The following SYMPK variants were observed in gnomAD, a reference collection of about 807,000 sequenced individuals.
SYMPK encodes the protein symplekin.
A neutral mutation model predicts 136.4 loss-of-function variants in SYMPK; 49 were observed. That is an observed-to-expected ratio of 0.36 (90% CI 0.29 to 0.46). The LOEUF (loss-of-function observed/expected upper bound fraction) is 0.46. Among genes scored for constraint, SYMPK ranks in the 20% least tolerant of loss-of-function variants. The pLI is 1.00. For synonymous variants in SYMPK, 766 were observed against 713.0 expected (o/e 1.07, Z -1.19); for missense variants, 1,365 against 1,690.0 (o/e 0.81, Z 3.37).
intron 25 of SYMPK, 111 bp downstream of exon 25, chr19:45,816,371 A>G (rs1374488578): frequency 2.1e-6 from 3 of 1,399,188 alleles, no homozygotes; most frequent in African/African-American, 2.9e-5. Flanking sequence ...GCCCAGAGGC[A>G]GGGGTGGCCT....
chr19:45,826,287 G>A lies in SYMPK; in HGVS notation c.2268C>T (p.Tyr756=), dbSNP rs1971041929. 5 of 1,613,930 alleles carry A rather than the reference G, an allele frequency of 3.1e-6. No individual in the cohort carries two copies. In the East Asian group the frequency reaches 1.1e-4, roughly 36 times the overall value. ...REYVEKFALN[Y]LQLLVHPNPP... is the part of the protein sequence containing the mutation. ...GGTTGGGGTGCACCAGGAGCTGCAG[G>A]TAGTTGAGGGCAAATTTCTCCACAT... The change falls in exon 17 of 27, where the codon TAC becomes TAT. Residue 756 remains tyrosine, a synonymous_variant. Transcript: ENST00000245934.
chr19:45,842,970 A>G (rs1971477577), intron 8 of SYMPK: 2 of 165,116 alleles, frequency 1.2e-5, no homozygotes, highest in African/African-American at 4.8e-5. Context: ...CCCCTTCCTC[A>G]GCCAACAACA....
At chr19:45,838,665 C>A in intron 9 of SYMPK, 50 bp from the exon 10 acceptor site, 1 of 1,575,202 alleles carries the variant, frequency 6.3e-7, no homozygotes, top group Non-Finnish European at 8.7e-7. Context: ...GAGCTGCAGG[C>A]CCTCCATCCT....
At chr19:45,823,925 G>C (rs781212143) in intron 18 of SYMPK, 50 bp from the exon 19 acceptor site, 1 of 1,515,760 alleles carries the variant, frequency 6.6e-7, no homozygotes, top group Non-Finnish European at 9.0e-7. Context: ...GCTTAGGGGA[G>C]GGTCAGGTGT....
chr19:45,853,443 A>G (rs1480245565), intron 3 of SYMPK, among the ~76,000 whole-genome samples: 1 of 152,124 alleles, frequency 6.6e-6, no homozygotes, highest in Non-Finnish European at 1.5e-5. Flanking sequence ...GTTTGAGACC[A>G]GCCTGGTCAA....
rs770984766 is a variant in SYMPK at position 45,827,969 on chromosome 19, C to T, written c.1986-51G>A. 5 of 1,563,780 alleles carry T rather than the reference C, an allele frequency of 3.2e-6. No individual in the cohort carries two copies. In the South Asian group the frequency reaches 3.3e-5, roughly 10 times the overall value. Reference sequence around the variant, plus strand: ...GGCTGCAGAGGAAGAGGCCGCCTGGCTCCCGGGCCCTGCTGAATTGTAGGA... The same window carrying T: ...GGCTGCAGAGGAAGAGGCCGCCTGGTTCCCGGGCCCTGCTGAATTGTAGGA... On this transcript the variant is annotated intron_variant, in intron 14 of 26. Coordinates refer to ENST00000245934, the MANE Select transcript of SYMPK (RefSeq NM_004819.3).
intron 18 of SYMPK, 130 bp downstream of exon 18, chr19:45,825,041 T>C (rs1031079566): frequency 3.2e-5 from 37 of 1,159,810 alleles, no homozygotes; most frequent in Non-Finnish European, 4.3e-5. Flanking sequence ...CTACACAGCC[T>C]GGGTCGGCCC....
intron 11 of SYMPK, among the ~76,000 whole-genome samples, chr19:45,834,083 G>A (rs1250146447): frequency 6.6e-6 from 1 of 152,044 alleles, no homozygotes; most frequent in South Asian, 2.1e-4. Context: ...ATCAGGAGGT[G>A]GAGACCATCC....
chr19:45,822,452 G>A (rs1970931910), intron 21 of SYMPK, among the ~76,000 whole-genome samples: 1 of 152,206 alleles, frequency 6.6e-6, no homozygotes, highest in Admixed American at 6.5e-5. Flanking sequence ...AAGATCTGAG[G>A]AGGGGCCAGA....
chr19:45,832,736 G>A (rs1265084666), intron 11 of SYMPK, among the ~76,000 whole-genome samples: 5 of 151,802 alleles, frequency 3.3e-5, no homozygotes, highest in African/African-American at 9.7e-5. Flanking sequence ...CAGGCTGGGC[G>A]TGGTGGCTCA....
rs1443185291 is a variant in SYMPK, at chr19:45,859,952, C to CT, written c.-13+3105dup. ...CCTGGGAGACACGGTAAGACTCCAT[C>CT]TAAAAAAAAAAAAAAAAAAAAAAAA... On this transcript the variant is annotated intron_variant, in intron 1 of 26. Coordinates refer to ENST00000245934, the MANE Select transcript of SYMPK (RefSeq NM_004819.3). Among the ~76,000 whole-genome samples, 401 of 43,340 alleles carry CT rather than the reference C, an allele frequency of 9.3e-3. 16 individuals are homozygous for CT. In the East Asian group the frequency reaches 0.2, roughly 22 times the overall value. The allele number at this position is 43,340 out of a possible 152,430, so 28.4% of individuals were successfully genotyped here. A position where few individuals can be genotyped will look rare whatever the true frequency, so the allele number is the denominator to read the frequency against.
At chr19:45,850,851 C>G (rs1407370523) in intron 5 of SYMPK, among the ~76,000 whole-genome samples, 2 of 152,120 alleles carry the variant, frequency 1.3e-5, no homozygotes, top group South Asian at 2.1e-4. Flanking sequence ...CTGTAAAGAA[C>G]AGTGAAGGTG....
intron 21 of SYMPK, among the ~76,000 whole-genome samples, chr19:45,822,268 G>A (rs944896725): frequency 7.2e-5 from 11 of 151,984 alleles, no homozygotes; most frequent in Admixed American, 5.2e-4. Flanking sequence ...ACAGGCGCCC[G>A]CCACCACGCC....
In SYMPK at chr19:45,825,341, C is replaced by T; in HGVS notation, c.2330-10G>A. ...CAGGGTGCTGCCACCTCTGACAGGG[C>T]AGGAGCGGGCATCAGATTGGCCCAC... On this transcript the variant is annotated splice_polypyrimidine_tract_variant and intron_variant, in intron 17 of 26. Transcript: ENST00000245934. 1 of 1,611,800 alleles carries T rather than the reference C, an allele frequency of 6.2e-7. No individual in the cohort carries two copies. The highest frequency in any genetic ancestry group is 1.7e-5 in the Admixed American group (1 of 59,816).
chr19:45,820,444 G>A (rs1340468070), intron 22 of SYMPK: 1 of 152,264 alleles, frequency 6.6e-6, no homozygotes, highest in Non-Finnish European at 1.5e-5. Context: ...TGCAGAGGAA[G>A]GTTAGGAAGT....
intron 7 of SYMPK, among the ~76,000 whole-genome samples, chr19:45,847,275 T>C (rs915199566): frequency 8.6e-5 from 13 of 151,840 alleles, no homozygotes; most frequent in African/African-American, 1.5e-4. Flanking sequence ...TTTAAAAAAA[T>C]TGGCCAGGTA....
At chr19:45,826,723 CAG>C (rs1039603312) in intron 16 of SYMPK, among the ~76,000 whole-genome samples, 2 of 152,194 alleles carry the variant, frequency 1.3e-5, no homozygotes, top group Admixed American at 6.5e-5. Context: ...CTGTTTCACT[CAG>C]ATATCATCTG....
At chr19:45,823,661 G>A (rs1176942313) in intron 19 of SYMPK, 106 bp downstream of exon 19, 9 of 1,082,498 alleles carry the variant, frequency 8.3e-6, no homozygotes, top group Non-Finnish European at 1.1e-5. Context: ...GCACAGACCC[G>A]CAAGAGGTAC....
intron 26 of SYMPK, 64 bp from the exon 27 acceptor site, chr19:45,815,761 AGGCCCTGCCCCCTGAT>A (rs1970714987): frequency 1.3e-6 from 2 of 1,593,428 alleles, no homozygotes; most frequent in Non-Finnish European, 1.7e-6. Context: ...GCTCCCCTTC[AGGCCCTGCCCCCTGAT>A]GGCCCCTCCT....
Sources: allele counts gnomAD v4.1 joint callset (sites outside exome capture counted in the v4.1 genomes callset), GRCh38; gene constraint gnomAD v4.1.1; transcripts MANE v1.5; gene names NCBI Gene and HGNC (gene_info 2026-07-23, HGNC 2026-07-21).